The following GALNT17 variants were observed in gnomAD, a reference collection of about 807,000 sequenced individuals.
The protein encoded by GALNT17 is polypeptide N-acetylgalactosaminyltransferase 17.
Under a neutral mutation model 63.7 loss-of-function variants are expected in GALNT17, and 29 were observed. The ratio of observed to expected loss-of-function variants is 0.46; its 90% CI spans 0.34 to 0.62. GALNT17 has a LOEUF of 0.62. Ranked by LOEUF, GALNT17 falls within the 20% of genes least tolerant of loss-of-function variation. GALNT17 has a pLI of 0.01. For missense variants in GALNT17, 603 were observed against 799.6 expected (o/e 0.75, Z 2.97); for synonymous variants, 305 against 318.3 (o/e 0.96, Z 0.45).
At chr7:71,379,478 G>A (rs1792804139) in intron 2 of GALNT17, among the ~76,000 whole-genome samples, 1 of 152,118 alleles carries the variant, frequency 6.6e-6, no homozygotes, top group African/African-American at 2.4e-5. Flanking sequence ...GGGGTTGGAG[G>A]CAAGGGACCA....
At chr7:71,646,366 T>C (rs1446952931) in intron 6 of GALNT17, among the ~76,000 whole-genome samples, 4 of 152,230 alleles carry the variant, frequency 2.6e-5, no homozygotes, top group Non-Finnish European at 5.9e-5. Context: ...CAGCTCAGCA[T>C]GGCAGGACCA....
chr7:71,525,269 G>T lies in GALNT17; in HGVS notation c.963-46016G>T, dbSNP rs538676502. On this transcript the variant is annotated intron_variant, in intron 5 of 10. Transcript: ENST00000333538. ...CTGCTCACTGCAACCTCCGCCTCCC[G>T]GGTTCAAGTGATTCTCCTGCCTCAG... is the stretch of plus-strand genomic sequence containing the variant. 2.6e-5 allele frequency among the ~76,000 whole-genome samples: 4 copies of T among 152,178 alleles called. No homozygotes were observed. In the South Asian group the frequency reaches 8.3e-4, roughly 32 times the overall value.
chr7:71,363,630 CAGTTA>C (rs1445846760), intron 2 of GALNT17, among the ~76,000 whole-genome samples: 1 of 152,202 alleles, frequency 6.6e-6, no homozygotes, highest in Non-Finnish European at 1.5e-5. Flanking sequence ...TCCCTTCCAG[CAGTTA>C]AGTAACTTTC....
chr7:71,285,927 C>T (rs945905271), intron 1 of GALNT17, among the ~76,000 whole-genome samples: 1 of 152,132 alleles, frequency 6.6e-6, no homozygotes. Context: ...ATTTCTAGTT[C>T]CGGGCAGCTC....
chr7:71,359,267 G>C (rs1016405997), intron 2 of GALNT17, among the ~76,000 whole-genome samples: 1 of 152,166 alleles, frequency 6.6e-6, no homozygotes, highest in African/African-American at 2.4e-5. Context: ...AGGTTCTGTC[G>C]AATGCTTGAG....
Position 71,174,308 on chromosome 7 carries a change from A to AT in GALNT17, c.238+41268_238+41269insT, listed in dbSNP as rs1167349270. On this transcript the variant is annotated intron_variant, in intron 1 of 10. Transcript: ENST00000333538. ...AAAGAAGCCGGGGGGAGTTCCTCTA[A>AT]GCAGAGGCCATGACCGCACATTGGC... Among the ~76,000 whole-genome samples, 7 of 152,122 alleles carry AT rather than the reference A, an allele frequency of 4.6e-5. No homozygotes were observed. In the East Asian group the frequency reaches 9.7e-4, roughly 21 times the overall value.
chr7:71,265,895 T>C (rs1790484493), intron 1 of GALNT17, among the ~76,000 whole-genome samples: 1 of 152,210 alleles, frequency 6.6e-6, no homozygotes, highest in Admixed American at 6.5e-5. Context: ...CACACATTTA[T>C]TCTTATAGTT....
At chr7:71,136,425 C>G (rs1302786443) in intron 1 of GALNT17, among the ~76,000 whole-genome samples, 1 of 152,148 alleles carries the variant, frequency 6.6e-6, no homozygotes, top group Non-Finnish European at 1.5e-5. Flanking sequence ...TTAAATCTTT[C>G]CCGTGGACTC....
At chr7:71,459,945 T>G (rs899132900) in intron 5 of GALNT17, among the ~76,000 whole-genome samples, 3 of 152,202 alleles carry the variant, frequency 2.0e-5, no homozygotes, top group Non-Finnish European at 4.4e-5. Flanking sequence ...CTCAACCAGT[T>G]GTCAACTAGA....
At chr7:71,364,742 C>T (rs1792470060) in intron 2 of GALNT17, among the ~76,000 whole-genome samples, 1 of 152,040 alleles carries the variant, frequency 6.6e-6, no homozygotes, top group African/African-American at 2.4e-5. Context: ...AGCATGCTTT[C>T]TGCTTACAAT....
At chr7:71,372,189 C>T (rs958631924) in intron 2 of GALNT17, among the ~76,000 whole-genome samples, 12 of 152,030 alleles carry the variant, frequency 7.9e-5, no homozygotes, top group African/African-American at 2.2e-4. Context: ...GATGGAGTCT[C>T]GCTCTGTTGC....
intron 6 of GALNT17, among the ~76,000 whole-genome samples, chr7:71,584,373 C>G (rs1789684037): frequency 6.6e-6 from 1 of 152,148 alleles, no homozygotes; most frequent in African/African-American, 2.4e-5. Context: ...ACGAAGATAG[C>G]ACAGCATAAT....
chr7:71,632,724 G>A (rs558101043), intron 6 of GALNT17, among the ~76,000 whole-genome samples: 1 of 152,138 alleles, frequency 6.6e-6, no homozygotes, highest in South Asian at 2.1e-4. Flanking sequence ...TGAGCCCGGG[G>A]AACCTGTCTT....
At chr7:71,169,031 G>C (rs1051466020) in intron 1 of GALNT17, among the ~76,000 whole-genome samples, 5 of 152,002 alleles carry the variant, frequency 3.3e-5, no homozygotes, top group African/African-American at 1.2e-4. Flanking sequence ...AATCCTTTGG[G>C]GTGGGTCCTT....
chr7:71,360,357 A>G (rs930942356), intron 2 of GALNT17, among the ~76,000 whole-genome samples: 6 of 150,358 alleles, frequency 4.0e-5, no homozygotes, highest in East Asian at 1.9e-4. Context: ...AAAGGAAAAC[A>G]TGTGATTTCC....
chr7:71,430,830 A>T (rs759367421), intron 5 of GALNT17, among the ~76,000 whole-genome samples: 1 of 152,178 alleles, frequency 6.6e-6, no homozygotes, highest in African/African-American at 2.4e-5. Flanking sequence ...GGAAAGCTTT[A>T]AGAGAAGAAA....
chr7:71,252,029 C>T (rs922959615), intron 1 of GALNT17, among the ~76,000 whole-genome samples: 2 of 152,154 alleles, frequency 1.3e-5, no homozygotes, highest in Admixed American at 6.5e-5. Context: ...CTGCTGCCTC[C>T]TCCGGGACTC....
At chr7:71,412,369 A>G (rs1583929654) in intron 3 of GALNT17, among the ~76,000 whole-genome samples, 1 of 146,470 alleles carries the variant, frequency 6.8e-6, no homozygotes, top group South Asian at 2.1e-4. Flanking sequence ...CTAGGCCATC[A>G]TCTCCCTTTT....
chr7:71,669,624 T>C lies in GALNT17; in HGVS notation c.1267-348T>C, dbSNP rs1165487952. ...TCACCTGGGCTAGAGTGTAGTGGCA[T>C]GATCTCGGCTCACTGCAACCTCCAC... On this transcript the variant is annotated intron_variant, in intron 7 of 10. Coordinates refer to ENST00000333538, the MANE Select transcript of GALNT17 (RefSeq NM_022479.3). Among the ~76,000 whole-genome samples, 3 of 149,768 alleles carry C rather than the reference T, an allele frequency of 2.0e-5. No homozygotes were observed. In the Admixed American group the frequency reaches 2.0e-4, roughly 10 times the overall value.
Sources: gnomAD v4.1 joint callset for allele counts (sites outside exome capture counted in the v4.1 genomes callset) on GRCh38, gnomAD v4.1.1 for gene constraint, MANE v1.5 for transcripts, NCBI Gene and HGNC (gene_info 2026-07-23, HGNC 2026-07-21) for gene names.